Variants in THSD4 observed in about 807,000 individuals in gnomAD.
THSD4 encodes thrombospondin type-1 domain-containing protein 4.
Under a neutral mutation model 119.0 loss-of-function variants are expected in THSD4, and 69 were observed. The ratio of observed to expected loss-of-function variants is 0.58; its 90% CI spans 0.48 to 0.71. The LOEUF (loss-of-function observed/expected upper bound fraction) is 0.71, where lower values mean the gene tolerates loss of function less well. Ranked by LOEUF, THSD4 falls within the 30% of genes least tolerant of loss-of-function variation. The probability of loss-of-function intolerance (pLI) is 0.00; values close to 1 mark genes in which losing one functional copy is unlikely to be tolerated. For synonymous variants in THSD4, 524 were observed against 540.4 expected, an observed-to-expected ratio of 0.97 and a Z score of 0.42; for missense variants, 1,393 against 1,391.1, an observed-to-expected ratio of 1.00 and a Z score of -0.02.
rs1049580926 is a variant in THSD4, at chr15:71,154,853, C to G, written c.30-10C>G. On this transcript the variant is annotated splice_polypyrimidine_tract_variant and intron_variant, in intron 2 of 17. Transcript: ENST00000261862. ...TCACCATCCTGCCTGTTGCTATTTTCCCTTTTCAGTGTCCTGTGTTTCCTT... is the reference window on the plus strand; with the variant it reads ...TCACCATCCTGCCTGTTGCTATTTTGCCTTTTCAGTGTCCTGTGTTTCCTT... The G allele has an allele frequency of 2.5e-6, 4 of 1,614,030 alleles. No individual in the cohort carries two copies. Among genetic ancestry groups the G allele is most frequent in the Admixed American group, 1.7e-5 (1 of 60,012 alleles).
chr15:71,689,556 G>C (rs1310463004), intron 8 of THSD4, among the ~76,000 whole-genome samples: 2 of 152,204 alleles, frequency 1.3e-5, no homozygotes, highest in Admixed American at 6.5e-5. Context: ...CCACAAAGGA[G>C]AGCCAAGTTC....
chr15:71,441,950 TTTTTGTTTTG>T (rs1201606670), intron 7 of THSD4, among the ~76,000 whole-genome samples: 2 of 151,864 alleles, frequency 1.3e-5, no homozygotes, highest in South Asian at 4.1e-4. Flanking sequence ...GTTGCTATCT[TTTTTGTTTTG>T]TTTTGTTTTG....
intron 3 of THSD4, among the ~76,000 whole-genome samples, chr15:71,205,178 A>T (rs898130617): frequency 2.6e-5 from 4 of 152,244 alleles, no homozygotes; most frequent in Non-Finnish European, 4.4e-5. Context: ...ATTGTGTTGC[A>T]CATTACCCCG....
At chr15:71,423,017 C>G (rs146124117) in intron 7 of THSD4, among the ~76,000 whole-genome samples, 1 of 152,162 alleles carries the variant, frequency 6.6e-6, no homozygotes, top group Non-Finnish European at 1.5e-5. Flanking sequence ...GATGTTCACT[C>G]GAGGACCAAC....
intron 3 of THSD4, among the ~76,000 whole-genome samples, chr15:71,210,403 G>T (rs367702714): frequency 6.6e-6 from 1 of 152,258 alleles, no homozygotes; most frequent in East Asian, 1.9e-4. Flanking sequence ...CTGCTAATAG[G>T]CCTTGCCAGC....
At chr15:71,519,602 T>G (rs2048410433) in intron 7 of THSD4, among the ~76,000 whole-genome samples, 1 of 152,338 alleles carries the variant, frequency 6.6e-6, no homozygotes, top group African/African-American at 2.4e-5. Context: ...CCTCAAGTGA[T>G]CCAACCGCCT....
chr15:71,388,239 T>C (rs2046318710), intron 6 of THSD4, among the ~76,000 whole-genome samples: 1 of 152,218 alleles, frequency 6.6e-6, no homozygotes, highest in Non-Finnish European at 1.5e-5. Flanking sequence ...AGCTGCTTGG[T>C]TTGTTCCCTT....
chr15:71,755,860 A>G (rs2053529982), intron 14 of THSD4, among the ~76,000 whole-genome samples: 1 of 152,148 alleles, frequency 6.6e-6, no homozygotes, highest in Admixed American at 6.5e-5. Flanking sequence ...ACAGAGGAGA[A>G]GGTATTTGAG....
At chr15:71,371,488 T>G (rs1227073131) in intron 6 of THSD4, among the ~76,000 whole-genome samples, 2 of 152,186 alleles carry the variant, frequency 1.3e-5, no homozygotes, top group African/African-American at 4.8e-5. Context: ...TGACAAAATC[T>G]CTCAGCATTT....
intron 8 of THSD4, among the ~76,000 whole-genome samples, chr15:71,694,976 T>C (rs1048662950): frequency 2.6e-5 from 4 of 152,154 alleles, no homozygotes; most frequent in African/African-American, 4.8e-5. Flanking sequence ...TGGCCCTGGC[T>C]CTCTCTTAAT....
intron 3 of THSD4, among the ~76,000 whole-genome samples, chr15:71,194,153 CCT>C (rs2043700113): frequency 6.6e-6 from 1 of 152,168 alleles, no homozygotes; most frequent in East Asian, 1.9e-4. Flanking sequence ...GTCTGTTAAA[CCT>C]CTTTTTCTTC....
chr15:71,622,725 A>G (rs1352048301), intron 7 of THSD4, among the ~76,000 whole-genome samples: 1 of 152,192 alleles, frequency 6.6e-6, no homozygotes, highest in African/African-American at 2.4e-5. Context: ...CCTGATGAAG[A>G]GTTTATCAAG....
intron 8 of THSD4, among the ~76,000 whole-genome samples, chr15:71,672,573 G>A (rs919214975): frequency 5.3e-5 from 8 of 152,172 alleles, no homozygotes; most frequent in Admixed American, 2.0e-4. Context: ...GCCAGTTTTC[G>A]AAGGAAATGC....
chr15:71,339,754 G>A (rs1355531062), intron 6 of THSD4, among the ~76,000 whole-genome samples: 1 of 151,984 alleles, frequency 6.6e-6, no homozygotes, highest in African/African-American at 2.4e-5. Context: ...GCAGATAAGT[G>A]CTCAGTAAGT....
At position 71,739,135 on chromosome 15, in the gene THSD4, G is replaced by A. The variant is rs141971526; in HGVS notation, c.1906+1128G>A. Reference sequence around the variant, plus strand: ...AAAAACAAAACTTTGCAGGCTTGGCGTGTTAGCTGGCTTTTACACTGACCA... The same window carrying A: ...AAAAACAAAACTTTGCAGGCTTGGCATGTTAGCTGGCTTTTACACTGACCA... On this transcript the variant is annotated intron_variant, in intron 11 of 17. Coordinates refer to ENST00000261862, the MANE Select transcript of THSD4 (RefSeq NM_024817.3). Among the ~76,000 whole-genome samples, 210 of 150,372 alleles carry A rather than the reference G, an allele frequency of 1.4e-3. 4 individuals are homozygous for A. The highest frequency in any genetic ancestry group is 5.0e-3 in the African/African-American group (203 of 40,946).
At chr15:71,658,968 T>C (rs2051244001) in intron 7 of THSD4, among the ~76,000 whole-genome samples, 1 of 152,216 alleles carries the variant, frequency 6.6e-6, no homozygotes, top group Non-Finnish European at 1.5e-5. Flanking sequence ...TGGGCACCTT[T>C]TGATTTGACT....
intron 3 of THSD4, among the ~76,000 whole-genome samples, chr15:71,180,939 AAAAG>A (rs1261618514): frequency 1.3e-5 from 2 of 152,318 alleles, no homozygotes; most frequent in East Asian, 3.9e-4. Flanking sequence ...CAATTAAAAA[AAAAG>A]AGGAGAAGGA....
chr15:71,300,047 A>T (rs1321113645), intron 6 of THSD4, among the ~76,000 whole-genome samples: 1 of 149,680 alleles, frequency 6.7e-6, no homozygotes, highest in Non-Finnish European at 1.5e-5. Flanking sequence ...GTGACCCAGG[A>T]GGCTGAGGTG....
chr15:71,157,083 G>T (rs1330061150), intron 3 of THSD4, among the ~76,000 whole-genome samples: 2 of 152,130 alleles, frequency 1.3e-5, no homozygotes, highest in Admixed American at 6.5e-5. Flanking sequence ...TAAGAGTTGA[G>T]TCAATTTACT....
Sources: allele counts gnomAD v4.1 joint callset (sites outside exome capture counted in the v4.1 genomes callset), GRCh38; gene constraint gnomAD v4.1.1; transcripts MANE v1.5; gene names NCBI Gene and HGNC (gene_info 2026-07-23, HGNC 2026-07-21).